ANO2: variants seen among roughly 807,000 people sequenced by gnomAD.
ANO2 encodes anoctamin-2.
Under a neutral mutation model 124.2 loss-of-function variants are expected in ANO2, and 101 were observed. The ratio of observed to expected loss-of-function variants is 0.81; its 90% CI spans 0.69 to 0.96. The LOEUF is 0.96. Among genes scored for constraint, ANO2 ranks in the 40% least tolerant of loss-of-function variants. ANO2 has a pLI of 0.00. For synonymous variants in ANO2, 486 were observed against 482.5 expected, an observed-to-expected ratio of 1.01 and a Z score of -0.09; for missense variants, 1,293 against 1,274.5, an observed-to-expected ratio of 1.01 and a Z score of -0.22.
At chr12:5,839,372 T>C (rs1954433867) in intron 4 of ANO2, among the ~76,000 whole-genome samples, 2 of 152,172 alleles carry the variant, frequency 1.3e-5, no homozygotes, top group South Asian at 4.1e-4. Context: ...CCACCAGCTG[T>C]ACAGGAAAAT....
chr12:5,607,168 A>G (rs373865411), intron 19 of ANO2, among the ~76,000 whole-genome samples: 16 of 152,058 alleles, frequency 1.1e-4, no homozygotes, highest in African/African-American at 3.4e-4. Flanking sequence ...ACTGCCCACT[A>G]AAAGCCACTG....
chr12:5,945,770 C>G (rs11063950), upstream of ANO2, among the ~76,000 whole-genome samples: 3,398 of 152,342 alleles, frequency 0.022, 70 homozygotes, highest in South Asian at 0.064. Context: ...TCCTCACCTT[C>G]CCCTAGGTTA....
chr12:5,936,772 T>C (rs1436961042), intron 1 of ANO2, among the ~76,000 whole-genome samples: 1 of 152,214 alleles, frequency 6.6e-6, no homozygotes, highest in African/African-American at 2.4e-5. Flanking sequence ...ACTACTACAT[T>C]TACATCTACG....
At chr12:5,875,351 C>T (rs1472573275) in intron 3 of ANO2, among the ~76,000 whole-genome samples, 2 of 152,228 alleles carry the variant, frequency 1.3e-5, no homozygotes, top group African/African-American at 4.8e-5. Context: ...CCAGAGATTG[C>T]AGGGGAACGC....
chr12:5,858,753 C>T (rs781209978), intron 3 of ANO2: 3 of 152,186 alleles, frequency 2.0e-5, no homozygotes, highest in Non-Finnish European at 4.4e-5. Flanking sequence ...ATTAGCTCTA[C>T]CCAGGTAAAA....
intron 14 of ANO2, among the ~76,000 whole-genome samples, chr12:5,668,240 C>T (rs251770): frequency 0.2 from 30,618 of 152,128 alleles, 3,479 homozygotes; most frequent in African/African-American, 0.31. Context: ...TTAATAGTAG[C>T]TATTCTGACT....
In ANO2 at chr12:5,787,620, A is replaced by G. The variant is rs1225381173; in HGVS notation, c.1055+11887T>C. Among the ~76,000 whole-genome samples, 1 of 152,224 alleles carries G rather than the reference A, an allele frequency of 6.6e-6. No individual in the cohort carries two copies. The highest frequency in any genetic ancestry group is 1.5e-5 in the Non-Finnish European group (1 of 68,024). On this transcript the variant is annotated intron_variant, in intron 10 of 24. Coordinates refer to ENST00000682330, the MANE Select transcript of ANO2 (RefSeq NM_001364791.2). This position sits in a 1 kb window ranked among gnomAD's most constrained non-coding sequence, Gnocchi z 4.2. ...GTTAGCAAATGCCAAGGGGTAGAAC[A>G]GTGCCTGCCACACAGCAAACATCTA... is the stretch of plus-strand genomic sequence containing the variant.
intron 10 of ANO2, among the ~76,000 whole-genome samples, chr12:5,791,184 T>C (rs997585614): frequency 6.6e-6 from 1 of 152,028 alleles, no homozygotes; most frequent in Non-Finnish European, 1.5e-5. Context: ...GGGTGTCTGG[T>C]TGCCGAAGCT....
At chr12:5,939,072 C>A (rs767446698) in intron 1 of ANO2, among the ~76,000 whole-genome samples, 3 of 151,406 alleles carry the variant, frequency 2.0e-5, no homozygotes, top group Non-Finnish European at 4.4e-5. Context: ...CAAAAATTAG[C>A]TGGGCGTAGT....
chr12:5,770,501 T>A (rs1197710098), intron 10 of ANO2, among the ~76,000 whole-genome samples: 1 of 152,158 alleles, frequency 6.6e-6, no homozygotes. Context: ...ATGGAAGTAA[T>A]CATCTTTGGC....
At chr12:5,594,436 T>C (rs988214779) in intron 20 of ANO2, among the ~76,000 whole-genome samples, 1 of 152,204 alleles carries the variant, frequency 6.6e-6, no homozygotes, top group African/African-American at 2.4e-5. Flanking sequence ...CTTCATATGG[T>C]CTGATGTGAA....
chr12:5,903,646 G>GGTGTGT (rs1565765265), intron 3 of ANO2, among the ~76,000 whole-genome samples: 1 of 78,658 alleles, frequency 1.3e-5, no homozygotes, highest in Non-Finnish European at 2.5e-5. Context: ...GATGTGCAAA[G>GGTGTGT]ATGTGTGTGT....
At chr12:5,738,817 A>C (rs1370511991) in intron 13 of ANO2, among the ~76,000 whole-genome samples, 2 of 152,166 alleles carry the variant, frequency 1.3e-5, no homozygotes, top group African/African-American at 2.4e-5. Flanking sequence ...CCTTTCCCTT[A>C]GCTCACGCCT....
intron 23 of ANO2, 25 bp downstream of exon 23, chr12:5,575,809 G>T (rs376836289): frequency 1.2e-6 from 2 of 1,609,210 alleles, no homozygotes; most frequent in Admixed American, 1.7e-5. Context: ...GTCCTCTGCT[G>T]CCCTTCTCCT....
intron 3 of ANO2, among the ~76,000 whole-genome samples, chr12:5,912,712 C>T (rs964440179): frequency 1.2e-4 from 18 of 152,142 alleles, no homozygotes; most frequent in African/African-American, 3.9e-4. Flanking sequence ...CCCCAAAGAT[C>T]CCTCGGGGTA....
intron 3 of ANO2, among the ~76,000 whole-genome samples, chr12:5,916,738 A>G (rs976515290): frequency 7.4e-5 from 11 of 148,194 alleles, no homozygotes; most frequent in Non-Finnish European, 1.5e-4. Context: ...AAAAAAAACA[A>G]AACACTGTAT....
intron 20 of ANO2, chr12:5,584,139 C>CGCCG (rs140461271): frequency 2.9e-4 from 47 of 162,082 alleles, no homozygotes; most frequent in African/African-American, 1.1e-3. Flanking sequence ...ACACCCCCCC[C>CGCCG]CCGCCGCAAG....
At position 5,739,320 on chromosome 12, in the gene ANO2, T is replaced by C. The variant is rs372797047; in HGVS notation, c.1431A>G (p.Glu477=). The C allele has an allele frequency of 1.7e-4, 279 of 1,599,736 alleles. No individual in the cohort carries two copies. The highest frequency in any genetic ancestry group is 2.1e-4 in the Non-Finnish European group (251 of 1,172,820). ...YFWDLTGIEE[E]EEHSRPEYET... ...AGAAATACGTGAGAGAACTCACTTC[T>C]TCCTCTTCTATGCCAGTCAGGTCCC... The change falls in exon 13 of 25, where the codon GAA becomes GAG. Residue 477 remains glutamate (E), a synonymous_variant. Coordinates refer to ENST00000682330, the MANE Select transcript of ANO2 (RefSeq NM_001364791.2).
chr12:5,797,133 G>A (rs1201717244), intron 10 of ANO2, among the ~76,000 whole-genome samples: 1 of 152,238 alleles, frequency 6.6e-6, no homozygotes, highest in African/African-American at 2.4e-5. Flanking sequence ...CACACGGAGG[G>A]TGCCATGCAT....
Sources: gnomAD v4.1 joint callset for allele counts (sites outside exome capture counted in the v4.1 genomes callset) on GRCh38, gnomAD v4.1.1 for gene constraint, Gnocchi (gnomAD v3.1) non-coding constraint, MANE v1.5 for transcripts, NCBI Gene and HGNC (gene_info 2026-07-23, HGNC 2026-07-21) for gene names.